LRP1B: variants seen among roughly 807,000 people sequenced by gnomAD.
LRP1B encodes the protein LDL receptor related protein 1B, also known as low-density lipoprotein receptor-related protein 1B.
Under a neutral mutation model 556.6 loss-of-function variants are expected in LRP1B, and 217 were observed. The ratio of observed to expected loss-of-function variants is 0.39; its 90% confidence interval spans 0.35 to 0.44. The LOEUF is 0.44. LRP1B is among the 20% of genes least tolerant of loss of function. The pLI is 1.00. For missense variants in LRP1B, 5,053 were observed against 5,620.8 expected (o/e 0.90, Z 3.23); for synonymous variants, 2,047 against 1,865.8 (o/e 1.10, Z -2.50).
In LRP1B at chr2:140,506,879, T is replaced by G. The variant is rs376111484; in HGVS notation, c.8438A>C (p.His2813Pro). 1 of 1,614,036 alleles carries G rather than the reference T, an allele frequency of 6.2e-7. No individual in the cohort carries two copies. The highest frequency in any genetic ancestry group is 1.7e-5 in the Admixed American group (1 of 60,000). ...TTGCTTGGGAATGCATACTTTATTA[T>G]GGCACATGAAAGCATTTTCATCACA... The part of the protein sequence containing the change: ...NTCDENAFMC[H>P]NKVCIPKQFV... The change falls in exon 53 of 91, where the codon CAT becomes CCT. Residue 2813 changes from histidine (H) to proline (P), a missense_variant. By Grantham distance (77) the His-to-Pro change is moderately conservative. Transcript: ENST00000389484.
chr2:140,956,921 G>T (rs1427317007), intron 18 of LRP1B, among the ~76,000 whole-genome samples: 1 of 151,692 alleles, frequency 6.6e-6, no homozygotes, highest in African/African-American at 2.4e-5. Context: ...ATATTTAACT[G>T]AGAATTTTAT....
At chr2:141,174,096 A>T (rs1680629765) in intron 7 of LRP1B, among the ~76,000 whole-genome samples, 1 of 152,076 alleles carries the variant, frequency 6.6e-6, no homozygotes, top group Non-Finnish European at 1.5e-5. Flanking sequence ...AAAAAAGATA[A>T]ATGATAAGCT....
At chr2:140,789,206 G>A (rs1025955547) in intron 32 of LRP1B, among the ~76,000 whole-genome samples, 3 of 152,028 alleles carry the variant, frequency 2.0e-5, no homozygotes, top group South Asian at 4.1e-4. Flanking sequence ...GAAGCAAAAC[G>A]GGAGCCACTG....
intron 1 of LRP1B, among the ~76,000 whole-genome samples, chr2:142,124,189 C>T (rs552100384): frequency 6.6e-6 from 1 of 151,866 alleles, no homozygotes; most frequent in East Asian, 1.9e-4. Flanking sequence ...TCTTCTTCCT[C>T]CCACCCTCCC....
chr2:141,467,296 G>A (rs13018345), intron 3 of LRP1B, among the ~76,000 whole-genome samples: 16,769 of 148,570 alleles, frequency 0.11, 1,045 homozygotes, highest in African/African-American at 0.17. Context: ...TTATAACTTC[G>A]GAGGTTTGGA....
intron 3 of LRP1B, among the ~76,000 whole-genome samples, chr2:141,434,921 C>T (rs566380253): frequency 6.6e-6 from 1 of 152,160 alleles, no homozygotes; most frequent in Non-Finnish European, 1.5e-5. Flanking sequence ...CCAGCACAAA[C>T]CACTTATTTG....
intron 43 of LRP1B, among the ~76,000 whole-genome samples, chr2:140,589,609 G>A (rs1682135135): frequency 6.6e-6 from 1 of 152,154 alleles, no homozygotes; most frequent in African/African-American, 2.4e-5. Context: ...CTACTCAGCA[G>A]GAAAGAGAAC....
chr2:141,982,144 T>A (rs1375189550), intron 1 of LRP1B, among the ~76,000 whole-genome samples: 2 of 152,132 alleles, frequency 1.3e-5, no homozygotes, highest in Admixed American at 6.5e-5. Context: ...AACCTATGCC[T>A]GTAGTGTAGA....
Position 140,867,575 on chromosome 2 carries a change from T to G in LRP1B, c.4579+15A>C, listed in dbSNP as rs771870710. On this transcript the variant is annotated intron_variant, in intron 27 of 90. Transcript: ENST00000389484. The stretch of plus-strand genomic sequence containing the variant: ...ACTTTCTGGGTGGTTAATCCATAAG[T>G]GAACAAGCACTTACCCTGTGGCTGG... 6.2e-7 allele frequency: 1 copy of G among 1,605,264 alleles called. No homozygotes were observed. The highest frequency in any genetic ancestry group is 8.5e-7 in the Non-Finnish European group (1 of 1,175,360).
intron 32 of LRP1B, among the ~76,000 whole-genome samples, chr2:140,779,660 A>C (rs893878823): frequency 1.4e-5 from 2 of 141,564 alleles, no homozygotes; most frequent in African/African-American, 5.3e-5. Flanking sequence ...GTGCCACTGC[A>C]CTCGAGCCCG....
intron 4 of LRP1B, among the ~76,000 whole-genome samples, chr2:141,253,000 A>C (rs990809139): frequency 1.3e-5 from 2 of 152,212 alleles, no homozygotes; most frequent in African/African-American, 4.8e-5. Context: ...AAAAGCAATT[A>C]ATTAACACTC....
intron 2 of LRP1B, among the ~76,000 whole-genome samples, chr2:141,690,753 G>A (rs1459819013): frequency 1.3e-5 from 2 of 151,436 alleles, no homozygotes; most frequent in African/African-American, 2.4e-5. Context: ...CTAGAGGCAA[G>A]TTTTAGCCAT....
intron 27 of LRP1B, among the ~76,000 whole-genome samples, chr2:140,863,518 A>G (rs1251327433): frequency 3.3e-5 from 5 of 152,180 alleles, no homozygotes; most frequent in African/African-American, 9.7e-5. Flanking sequence ...TTTATCCCAG[A>G]GGAAAAAACT....
At chr2:140,664,897 C>G (rs1685215020) in intron 41 of LRP1B, among the ~76,000 whole-genome samples, 1 of 152,040 alleles carries the variant, frequency 6.6e-6, no homozygotes, top group South Asian at 2.1e-4. Flanking sequence ...ATTAATCTCT[C>G]TGAAACAATA....
At chr2:142,129,631 T>A (rs1707780348) in intron 1 of LRP1B, among the ~76,000 whole-genome samples, 1 of 135,644 alleles carries the variant, frequency 7.4e-6, no homozygotes, top group Admixed American at 7.7e-5. Context: ...TCTCTCTCTC[T>A]TATTTAAACT....
At chr2:140,950,075 G>A (rs1695667258) in intron 20 of LRP1B, among the ~76,000 whole-genome samples, 160 bp downstream of exon 20, 1 of 151,850 alleles carries the variant, frequency 6.6e-6, no homozygotes, top group South Asian at 2.1e-4. Context: ...AAAGCAAAGA[G>A]GGAAAGGAAA....
chr2:141,889,640 C>T (rs1312363408), intron 1 of LRP1B, among the ~76,000 whole-genome samples: 1 of 152,100 alleles, frequency 6.6e-6, no homozygotes. Context: ...TCCAGGGTTT[C>T]ACACAGTGAC....
At chr2:141,931,750 C>T (rs1374092419) in intron 1 of LRP1B, among the ~76,000 whole-genome samples, 2 of 151,852 alleles carry the variant, frequency 1.3e-5, no homozygotes, top group Non-Finnish European at 2.9e-5. Flanking sequence ...TGAATAAATA[C>T]ATGTTTTAGA....
At chr2:140,999,910 T>G (rs1697363805) in intron 15 of LRP1B, among the ~76,000 whole-genome samples, 1 of 151,952 alleles carries the variant, frequency 6.6e-6, no homozygotes, top group South Asian at 2.1e-4. Flanking sequence ...GACTATTTAC[T>G]TATGTATTTA....
Sources: allele counts gnomAD v4.1 joint callset (sites outside exome capture counted in the v4.1 genomes callset), GRCh38; gene constraint gnomAD v4.1.1; transcripts MANE v1.5; gene names NCBI Gene and HGNC (gene_info 2026-07-23, HGNC 2026-07-21).